Variants in TSPAN9 observed in about 807,000 individuals in gnomAD.
The protein encoded by TSPAN9 is tetraspanin-9.
A neutral mutation model predicts 31.0 loss-of-function variants in TSPAN9; 16 were observed. That is an observed-to-expected ratio of 0.52 (90% CI 0.35 to 0.78). The LOEUF (loss-of-function observed/expected upper bound fraction) is 0.78, where lower values mean the gene tolerates loss of function less well. TSPAN9 is among the 30% of genes least tolerant of loss of function. The probability of loss-of-function intolerance (pLI) is 0.01; values close to 1 mark genes in which losing one functional copy is unlikely to be tolerated. For synonymous variants in TSPAN9, 145 were observed against 121.6 expected (o/e 1.19, Z -1.27); for missense variants, 272 against 312.5 (o/e 0.87, Z 0.98).
intron 2 of TSPAN9, among the ~76,000 whole-genome samples, chr12:3,131,501 C>T (rs951644826): frequency 6.6e-6 from 1 of 152,188 alleles, no homozygotes; most frequent in Admixed American, 6.5e-5. Flanking sequence ...GCAGTCCCAT[C>T]TACCTCCTAG....
intron 2 of TSPAN9, among the ~76,000 whole-genome samples, chr12:3,109,215 T>A (rs144619278): frequency 2.7e-5 from 4 of 150,790 alleles, no homozygotes; most frequent in Non-Finnish European, 5.9e-5. Flanking sequence ...GGATTACAGG[T>A]GTGAGCCACC....
chr12:3,232,440 G>A (rs891331120), intron 3 of TSPAN9, among the ~76,000 whole-genome samples: 35 of 152,172 alleles, frequency 2.3e-4, no homozygotes, highest in Admixed American at 4.6e-4. Context: ...GGGTAACTGA[G>A]GACCAAAAGC....
intron 3 of TSPAN9, among the ~76,000 whole-genome samples, chr12:3,202,440 T>G (rs763470106): frequency 6.6e-6 from 1 of 151,924 alleles, no homozygotes; most frequent in Non-Finnish European, 1.5e-5. Flanking sequence ...AGGGTGGGGG[T>G]GTGTGTGGAG....
chr12:3,276,557 C>G (rs747681994), intron 3 of TSPAN9, among the ~76,000 whole-genome samples: 7 of 152,218 alleles, frequency 4.6e-5, no homozygotes, highest in Non-Finnish European at 8.8e-5. Context: ...TGCTCCCTCC[C>G]CCTGTTTATT....
At chr12:3,122,322 A>G (rs1199026303) in intron 2 of TSPAN9, among the ~76,000 whole-genome samples, 4 of 98,766 alleles carry the variant, frequency 4.0e-5, no homozygotes, top group Non-Finnish European at 8.8e-5. Context: ...CTCTATCTCA[A>G]AAAAAAAAAG....
At chr12:3,156,747 A>G (rs933193639) in intron 2 of TSPAN9, among the ~76,000 whole-genome samples, 16 of 152,120 alleles carry the variant, frequency 1.1e-4, no homozygotes, top group African/African-American at 3.9e-4. Context: ...ACCTCAAGTG[A>G]TCTGCCCTCC....
At chr12:3,079,650 T>G (rs1407701980) in intron 1 of TSPAN9, among the ~76,000 whole-genome samples, 1 of 151,990 alleles carries the variant, frequency 6.6e-6, no homozygotes, top group African/African-American at 2.4e-5. Flanking sequence ...TTAGTAGAGA[T>G]GGAGTTTCGC....
intron 2 of TSPAN9, among the ~76,000 whole-genome samples, chr12:3,089,012 C>A (rs1157215242): frequency 6.6e-6 from 1 of 151,880 alleles, no homozygotes. Flanking sequence ...GCAGGCGGAT[C>A]ACGAGGTCAG....
chr12:3,120,140 G>C (rs1435386717), intron 2 of TSPAN9, among the ~76,000 whole-genome samples: 1 of 152,194 alleles, frequency 6.6e-6, no homozygotes, highest in Non-Finnish European at 1.5e-5. Context: ...CTTTTCAGCT[G>C]GTGTTAATTG....
At chr12:3,112,609 TA>T (rs748638726) in intron 2 of TSPAN9, among the ~76,000 whole-genome samples, 1 of 151,650 alleles carries the variant, frequency 6.6e-6, no homozygotes, top group Non-Finnish European at 1.5e-5. Flanking sequence ...AAAATTTTTG[TA>T]AAACTGATTT....
chr12:3,172,019 G>T lies in TSPAN9; in HGVS notation c.-17-29158G>T, dbSNP rs2098352130. 1 of 152,214 alleles carries T rather than the reference G, an allele frequency of 6.6e-6. No homozygotes were observed. The highest frequency in any genetic ancestry group is 6.5e-5 in the Admixed American group (1 of 15,280). The allele number at this position is 152,214 out of a possible 1,614,324, so 9.4% of individuals were successfully genotyped here. A position where few individuals can be genotyped will look rare whatever the true frequency, so the allele number is the denominator to read the frequency against. On this transcript the variant is annotated intron_variant, in intron 2 of 8. Transcript: ENST00000011898. This position sits in a 1 kb window ranked among gnomAD's most constrained non-coding sequence, Gnocchi z 4.8. ...ACGGTGTCAGGTAGCTAGTTTATGG[G>T]TCCCATCCTGGTTGTGATAACTCAG...
rs994789833 is a variant in TSPAN9, at chr12:3,281,348, C to T, written c.564+19C>T. ...GAGAACGGTGAGGCTGGGGATGGACCGCTTGGGTCCAAGAGCCCGTGTGTG... is the reference window on the plus strand; with the variant it reads ...GAGAACGGTGAGGCTGGGGATGGACTGCTTGGGTCCAAGAGCCCGTGTGTG... On this transcript the variant is annotated intron_variant, in intron 7 of 8. Transcript: ENST00000011898. 39 of 1,542,144 alleles carry T rather than the reference C, an allele frequency of 2.5e-5. 1 individual carries two copies. Among genetic ancestry groups the T allele is most frequent in the South Asian group, 3.6e-5 (3 of 83,360 alleles).
rs1287570708 is a variant in TSPAN9, at chr12:3,285,730, C to A, written c.*2614C>A. On this transcript the variant is annotated 3_prime_UTR_variant, in exon 9 of 9. Coordinates refer to ENST00000011898, the MANE Select transcript of TSPAN9 (RefSeq NM_006675.5). The stretch of plus-strand genomic sequence containing the variant: ...CACTCACGGCTCCCTTTGCCAGAGT[C>A]AGTTCAATCAGGTCTGATGTGAGCA... 6.6e-6 allele frequency: 1 copy of A among 152,256 alleles called. No homozygotes were observed. Among genetic ancestry groups the A allele is most frequent in the Non-Finnish European group, 1.5e-5 (1 of 68,060 alleles). The allele number at this position is 152,256 out of a possible 1,614,324, so 9.4% of individuals were successfully genotyped here. A position where few individuals can be genotyped will look rare whatever the true frequency, so the allele number is the denominator to read the frequency against.
chr12:3,151,328 GCA>G (rs2098339621), intron 2 of TSPAN9: 1 of 152,312 alleles, frequency 6.6e-6, no homozygotes, highest in Non-Finnish European at 1.5e-5. Context: ...GGGCTCCCCT[GCA>G]CTGTATGTAA....
intron 2 of TSPAN9, among the ~76,000 whole-genome samples, chr12:3,087,675 G>A (rs2098301274): frequency 6.6e-6 from 1 of 152,070 alleles, no homozygotes; most frequent in African/African-American, 2.4e-5. Context: ...GCTTGGTGGT[G>A]CGCACCTGTA....
intron 2 of TSPAN9, among the ~76,000 whole-genome samples, chr12:3,184,808 G>A (rs909927741): frequency 6.6e-6 from 1 of 152,054 alleles, no homozygotes; most frequent in African/African-American, 2.4e-5. Context: ...GCCAGCTCTC[G>A]GAGGCTTGGG....
Position 3,280,285 on chromosome 12 carries a change from T to C in TSPAN9, c.331-97T>C. 1 of 1,117,046 alleles carries C rather than the reference T, an allele frequency of 9.0e-7. No homozygotes were observed. The highest frequency in any genetic ancestry group is 1.3e-6 in the Non-Finnish European group (1 of 754,082). 69.2% of individuals were successfully genotyped at this position (1,117,046 alleles called of 1,614,324 possible). A position where few individuals can be genotyped will look rare whatever the true frequency, so the allele number is the denominator to read the frequency against. ...CTGCCTTCCCTGCCTTCCTCACTCCTCATCTGTCACCCACCATCCTGGGTG... is the reference window on the plus strand; with the variant it reads ...CTGCCTTCCCTGCCTTCCTCACTCCCCATCTGTCACCCACCATCCTGGGTG... On this transcript the variant is annotated intron_variant, in intron 5 of 8. Coordinates refer to ENST00000011898, the MANE Select transcript of TSPAN9 (RefSeq NM_006675.5). The surrounding 1 kb of genome is among the most constrained non-coding windows in gnomAD (Gnocchi z 4.5).
chr12:3,137,435 C>T (rs372441650), intron 2 of TSPAN9, among the ~76,000 whole-genome samples: 1 of 152,230 alleles, frequency 6.6e-6, no homozygotes, highest in Non-Finnish European at 1.5e-5. Flanking sequence ...TGCCTGCCTC[C>T]CATGTGGCTT....
chr12:3,207,827 C>G (rs1023821662), intron 3 of TSPAN9, among the ~76,000 whole-genome samples: 3 of 152,150 alleles, frequency 2.0e-5, no homozygotes, highest in African/African-American at 7.2e-5. Context: ...GCCCTGCTTT[C>G]AGGTAGCTTT....
Sources: allele counts gnomAD v4.1 joint callset (sites outside exome capture counted in the v4.1 genomes callset), GRCh38; gene constraint gnomAD v4.1.1; non-coding constraint Gnocchi (gnomAD v3.1); transcripts MANE v1.5; gene names NCBI Gene and HGNC (gene_info 2026-07-23, HGNC 2026-07-21).